The following GALNT16 variants were observed in gnomAD, a reference collection of about 807,000 sequenced individuals.
The protein encoded by GALNT16 is polypeptide N-acetylgalactosaminyltransferase 16.
GALNT16 carries 40 observed loss-of-function variants against 76.1 expected under a neutral mutation model. The ratio of observed to expected loss-of-function variants is 0.53; its 90% CI spans 0.41 to 0.68. GALNT16 has a LOEUF of 0.68. GALNT16 is among the 30% of genes least tolerant of loss of function. The pLI is 0.00. For synonymous variants in GALNT16, 276 were observed against 285.2 expected (o/e 0.97, Z 0.32); for missense variants, 621 against 731.9 (o/e 0.85, Z 1.75).
the GALNT16 span, among the ~76,000 whole-genome samples, chr14:69,379,223 A>C: frequency 6.6e-6 from 1 of 152,214 alleles, no homozygotes; most frequent in African/African-American, 2.4e-5. Context: ...TATAGGCGTG[A>C]GCCACCGCAC....
At chr14:69,368,428 C>T in the GALNT16 span, among the ~76,000 whole-genome samples, 1 of 152,158 alleles carries the variant, frequency 6.6e-6, no homozygotes, top group East Asian at 1.9e-4. Flanking sequence ...AGAGAATCTG[C>T]TTCCAAGCTC....
chr14:69,384,475 A>G, the GALNT16 span, among the ~76,000 whole-genome samples: 9 of 152,176 alleles, frequency 5.9e-5, no homozygotes, highest in Non-Finnish European at 1.0e-4. Context: ...TCTTAACCAC[A>G]GCCTCCCAAG....
intron 1 of GALNT16, among the ~76,000 whole-genome samples, chr14:69,263,782 T>G (rs1466839184): frequency 6.6e-6 from 1 of 152,222 alleles, no homozygotes; most frequent in Non-Finnish European, 1.5e-5. Context: ...TCACCAATTT[T>G]GATGTGAAAA....
chr14:69,366,530 C>T, the GALNT16 span, among the ~76,000 whole-genome samples: 2 of 152,216 alleles, frequency 1.3e-5, no homozygotes, highest in African/African-American at 2.4e-5. Flanking sequence ...TCATAAAACC[C>T]TGATGATTTC....
rs1236454550 is a variant in GALNT16, at chr14:69,352,827, G to A, written c.*659G>A. On this transcript the variant is annotated 3_prime_UTR_variant, in exon 15 of 15. Transcript: ENST00000448469. ...AGCAGCAAAGCACCAAAAGAACAAG[G>A]TCTCTTACCCAGGACACAGTCCCTT... is the stretch of plus-strand genomic sequence containing the variant. Among the ~76,000 whole-genome samples, 1 of 152,140 alleles carries A rather than the reference G, an allele frequency of 6.6e-6. No homozygotes were observed. The highest frequency in any genetic ancestry group is 2.4e-5 in the African/African-American group (1 of 41,422).
At chr14:69,286,810 A>G (rs1469081237) in intron 1 of GALNT16, among the ~76,000 whole-genome samples, 1 of 152,228 alleles carries the variant, frequency 6.6e-6, no homozygotes, top group Non-Finnish European at 1.5e-5. Context: ...AGTGGGATCC[A>G]GATGGGTGTT....
At chr14:69,283,292 A>C (rs1052591790) in intron 1 of GALNT16, among the ~76,000 whole-genome samples, 1 of 152,202 alleles carries the variant, frequency 6.6e-6, no homozygotes, top group African/African-American at 2.4e-5. Context: ...GAGTGCACCT[A>C]GTTTAGCTGC....
chr14:69,380,563 C>T, the GALNT16 span: 1 of 1,612,226 alleles, frequency 6.2e-7, no homozygotes, highest in Non-Finnish European at 8.5e-7. Flanking sequence ...TTGGGCCTGC[C>T]GACGAAGGAG....
intron 1 of GALNT16, among the ~76,000 whole-genome samples, chr14:69,319,961 G>A (rs1345056288): frequency 2.0e-5 from 3 of 152,204 alleles, no homozygotes; most frequent in Non-Finnish European, 2.9e-5. Flanking sequence ...TAATGCCTAG[G>A]CCAGGGCTAG....
At chr14:69,322,973 TGTGTGTGTGC>T (rs1292428067) in intron 2 of GALNT16, among the ~76,000 whole-genome samples, 17 of 50,974 alleles carry the variant, frequency 3.3e-4, no homozygotes, top group African/African-American at 1.3e-3. Context: ...TGTGTGTGTG[TGTGTGTGTGC>T]GCGCGCACGC....
chr14:69,338,515 C>T, intron 9 of GALNT16, 136 bp from the exon 10 acceptor site: 1 of 1,199,486 alleles, frequency 8.3e-7, no homozygotes, highest in Non-Finnish European at 1.2e-6. Flanking sequence ...GGGAGCACTC[C>T]ATTTGAGCAG....
chr14:69,269,467 ATGTG>A (rs893560552), intron 1 of GALNT16, among the ~76,000 whole-genome samples: 11 of 140,716 alleles, frequency 7.8e-5, no homozygotes, highest in African/African-American at 3.0e-4. Flanking sequence ...GGGTTTGTGT[ATGTG>A]TGTGTAGTAT....
intron 7 of GALNT16, 70 bp downstream of exon 7, chr14:69,331,621 C>T: frequency 1.2e-6 from 1 of 860,756 alleles, no homozygotes; most frequent in Non-Finnish European, 2.0e-6. Context: ...AGGCAAAAAC[C>T]CTTGCTTGCT....
chr14:69,275,965 C>G (rs1217587868), intron 1 of GALNT16, among the ~76,000 whole-genome samples: 1 of 152,148 alleles, frequency 6.6e-6, no homozygotes, highest in Non-Finnish European at 1.5e-5. Context: ...GGAAGCCTCA[C>G]AATCATGGCA....
intron 1 of GALNT16, among the ~76,000 whole-genome samples, chr14:69,312,103 A>ATC (rs761424756): frequency 1.4e-5 from 2 of 147,886 alleles, no homozygotes; most frequent in Admixed American, 6.8e-5. Context: ...CTATCTATCT[A>ATC]TATCTATCTA....
the GALNT16 span, among the ~76,000 whole-genome samples, chr14:69,382,789 C>CAAAAAAAAAAAAAAAA: frequency 5.8e-5 from 6 of 103,164 alleles, no homozygotes; most frequent in African/African-American, 2.2e-4. Flanking sequence ...ACTCTATCTC[C>CAAAAAAAAAAAAAAAA]AAAAGAAAAA....
rs116769797 is a variant in GALNT16, at chr14:69,262,199, C to T, written c.177+1732C>T. Among the ~76,000 whole-genome samples, 955 of 152,210 alleles carry T rather than the reference C, an allele frequency of 6.3e-3. 15 individuals are homozygous for T. Among genetic ancestry groups the T allele is most frequent in the African/African-American group, 0.022 (917 of 41,534 alleles). On this transcript the variant is annotated intron_variant, in intron 1 of 14. Transcript: ENST00000448469. ...AGAAGAGGGTCTGAGTTGGAAGGGGCGGAGAAAGAGGCTGGGCAGGGAGGA... is the reference window on the plus strand; with the variant it reads ...AGAAGAGGGTCTGAGTTGGAAGGGGTGGAGAAAGAGGCTGGGCAGGGAGGA...
intron 11 of GALNT16, among the ~76,000 whole-genome samples, chr14:69,340,028 T>C (rs758304629): frequency 1.3e-5 from 2 of 152,188 alleles, no homozygotes. Flanking sequence ...ATTTTCAAAA[T>C]GCAGATGGGT....
intron 1 of GALNT16, among the ~76,000 whole-genome samples, chr14:69,265,452 G>A (rs2044331031): frequency 6.6e-6 from 1 of 152,194 alleles, no homozygotes; most frequent in Non-Finnish European, 1.5e-5. Flanking sequence ...CTTGGCTCTG[G>A]AAATGCCATT....
Sources: gnomAD v4.1 joint callset for allele counts (sites outside exome capture counted in the v4.1 genomes callset) on GRCh38, gnomAD v4.1.1 for gene constraint, MANE v1.5 for transcripts, NCBI Gene and HGNC (gene_info 2026-07-23, HGNC 2026-07-21) for gene names.